CORO2B: variants seen among roughly 807,000 people sequenced by gnomAD.
CORO2B encodes coronin-2B.
Under a neutral mutation model 58.8 loss-of-function variants are expected in CORO2B, and 26 were observed. That is an observed-to-expected ratio of 0.44 (90% CI 0.32 to 0.61). The LOEUF (loss-of-function observed/expected upper bound fraction) is 0.61. CORO2B is among the 20% of genes least tolerant of loss of function. The pLI, the probability that CORO2B is intolerant of heterozygous loss-of-function variation, is 0.04. For missense variants in CORO2B, 460 were observed against 645.1 expected, an observed-to-expected ratio of 0.71 and a Z score of 3.11; for synonymous variants, 242 against 253.8, an observed-to-expected ratio of 0.95 and a Z score of 0.44.
At chr15:68,530,264 G>T in the CORO2B span, among the ~76,000 whole-genome samples, 1 of 152,288 alleles carries the variant, frequency 6.6e-6, no homozygotes, top group Admixed American at 6.5e-5. Context: ...GGCGGAGCTT[G>T]CAGTGAGCCA....
At chr15:68,549,714 A>C in the CORO2B span, among the ~76,000 whole-genome samples, 2 of 152,140 alleles carry the variant, frequency 1.3e-5, no homozygotes, top group African/African-American at 2.4e-5. Context: ...CGAGGTGGGC[A>C]GATCCTTTGA....
the CORO2B span, among the ~76,000 whole-genome samples, chr15:68,551,147 C>T: frequency 6.6e-6 from 1 of 152,118 alleles, no homozygotes; most frequent in East Asian, 1.9e-4. Context: ...TCCCAGCACT[C>T]GCTTTCCAAA....
Position 68,626,185 on chromosome 15 carries a change from C to G in CORO2B, c.16-18975C>G, listed in dbSNP as rs1175407025. Among the ~76,000 whole-genome samples the G allele has an allele frequency of 2.0e-5, 3 of 152,306 alleles. No individual in the cohort carries two copies. In the East Asian group the frequency reaches 5.8e-4, roughly 29 times the overall value. ...CCTACTGCGTGCTGCTGTGAGGGCA[C>G]ACAGTTCCAGTGCTTACAGGGCTCA... is the stretch of plus-strand genomic sequence containing the variant. On this transcript the variant is annotated intron_variant, in intron 1 of 11. Transcript: ENST00000261861.
chr15:68,575,272 C>T (rs1899257511), upstream of CORO2B, among the ~76,000 whole-genome samples: 1 of 152,014 alleles, frequency 6.6e-6, no homozygotes. Flanking sequence ...ATCTGATCCA[C>T]GGGTCTCTGG....
intron 1 of CORO2B, among the ~76,000 whole-genome samples, chr15:68,611,788 T>C (rs931695774): frequency 1.6e-4 from 24 of 151,894 alleles, no homozygotes; most frequent in African/African-American, 5.6e-4. Context: ...TTTTTTTTTT[T>C]TGAGACAAGA....
At chr15:68,527,869 A>G in the CORO2B span, among the ~76,000 whole-genome samples, 1 of 152,172 alleles carries the variant, frequency 6.6e-6, no homozygotes, top group Admixed American at 6.5e-5. Context: ...AATTTATCCC[A>G]AAGTGTTTCC....
intron 2 of CORO2B, among the ~76,000 whole-genome samples, chr15:68,675,089 A>C (rs1379774994): frequency 3.3e-5 from 5 of 152,200 alleles, no homozygotes; most frequent in African/African-American, 1.2e-4. Context: ...ACAGGCTGGA[A>C]CTACAGTATT....
chr15:68,612,124 T>C (rs772496226), intron 1 of CORO2B, among the ~76,000 whole-genome samples: 13 of 152,220 alleles, frequency 8.5e-5, no homozygotes, highest in Non-Finnish European at 1.5e-4. Flanking sequence ...TCCACACTGC[T>C]CATTGTTTAT....
At chr15:68,618,714 A>G (rs965514971) in intron 1 of CORO2B, among the ~76,000 whole-genome samples, 1 of 152,208 alleles carries the variant, frequency 6.6e-6, no homozygotes, top group East Asian at 1.9e-4. Context: ...TGGGACTCAG[A>G]GAAGTTATGT....
At chr15:68,560,731 G>A in the CORO2B span, among the ~76,000 whole-genome samples, 1 of 152,196 alleles carries the variant, frequency 6.6e-6, no homozygotes, top group Non-Finnish European at 1.5e-5. Context: ...CTCTCCAGCT[G>A]TGCTCCCTAG....
chr15:68,651,269 C>A (rs1009430955), intron 2 of CORO2B, among the ~76,000 whole-genome samples: 1 of 152,232 alleles, frequency 6.6e-6, no homozygotes, highest in South Asian at 2.1e-4. Flanking sequence ...TCTACCGCCC[C>A]CTGTGGTCAG....
chr15:68,616,697 C>T, intron 1 of CORO2B: 1 of 872,260 alleles, frequency 1.1e-6, no homozygotes, highest in South Asian at 5.3e-5. Flanking sequence ...TGGGCGAGGG[C>T]TAGCGTTATC....
At chr15:68,614,452 C>G (rs1230692058) in intron 1 of CORO2B, among the ~76,000 whole-genome samples, 1 of 152,128 alleles carries the variant, frequency 6.6e-6, no homozygotes, top group Non-Finnish European at 1.5e-5. Flanking sequence ...AGATGAGGAG[C>G]CTCCGGGCCA....
At chr15:68,548,946 A>ATT in the CORO2B span, among the ~76,000 whole-genome samples, 164 of 152,250 alleles carry the variant, frequency 1.1e-3, no homozygotes, top group African/African-American at 3.8e-3. Context: ...TCCCTTGTTG[A>ATT]TTATATATAT....
chr15:68,660,496 A>G (rs1901979851), intron 2 of CORO2B, among the ~76,000 whole-genome samples: 1 of 151,932 alleles, frequency 6.6e-6, no homozygotes. Context: ...TCAGCCTCCC[A>G]AGTAGCTGGG....
At chr15:68,651,474 A>C (rs536369183) in intron 2 of CORO2B, among the ~76,000 whole-genome samples, 217 of 152,280 alleles carry the variant, frequency 1.4e-3, no homozygotes, top group South Asian at 5.4e-3. Context: ...GTTTGATAGA[A>C]ATTTCCCTGA....
At chr15:68,564,699 T>C in the CORO2B span, among the ~76,000 whole-genome samples, 5,079 of 152,262 alleles carry the variant, frequency 0.033, 136 homozygotes, top group Middle Eastern at 0.078. Context: ...ATTGTAAAGA[T>C]AAAGAAATGG....
intron 1 of CORO2B, among the ~76,000 whole-genome samples, chr15:68,630,739 G>T (rs1400763307): frequency 6.6e-6 from 1 of 152,164 alleles, no homozygotes; most frequent in Non-Finnish European, 1.5e-5. Context: ...TGGCTCCACA[G>T]TGCCATCAAG....
rs551607096 is a variant in CORO2B, at chr15:68,597,704, G to A, written c.15+18427G>A. On this transcript the variant is annotated intron_variant, in intron 1 of 11. Transcript: ENST00000261861. ...TCCTCCATTGCTATGGAGCTCAGAG[G>A]CTTCACCAGGGTTACTGTGGTGAAC... Among the ~76,000 whole-genome samples the A allele has an allele frequency of 8.5e-5, 13 of 152,200 alleles. No individual in the cohort carries two copies. In the South Asian group the frequency reaches 2.7e-3, roughly 32 times the overall value.
Sources: gnomAD v4.1 joint callset for allele counts (sites outside exome capture counted in the v4.1 genomes callset) on GRCh38, gnomAD v4.1.1 for gene constraint, MANE v1.5 for transcripts, NCBI Gene and HGNC (gene_info 2026-07-23, HGNC 2026-07-21) for gene names.